ADAMTS3: variants seen among roughly 807,000 people sequenced by gnomAD.
ADAMTS3 encodes the protein A disintegrin and metalloproteinase with thrombospondin motifs 3.
In ADAMTS3, 73 loss-of-function variants were observed where a neutral mutation model predicts 129.0. The observed-to-expected ratio is 0.57, with a 90% CI of 0.47 to 0.69. The LOEUF (loss-of-function observed/expected upper bound fraction) is 0.69, where lower values mean the gene tolerates loss of function less well. Among genes scored for constraint, ADAMTS3 ranks in the 30% least tolerant of loss-of-function variants. ADAMTS3 has a pLI of 0.00. For synonymous variants in ADAMTS3, 477 were observed against 510.8 expected (o/e 0.93, Z 0.89); for missense variants, 1,457 against 1,514.5 (o/e 0.96, Z 0.63).
At chr4:72,490,125 C>T (rs1719701382) in intron 3 of ADAMTS3, among the ~76,000 whole-genome samples, 1 of 151,794 alleles carries the variant, frequency 6.6e-6, no homozygotes, top group African/African-American at 2.4e-5. Context: ...ATGTGGAGCA[C>T]TTTTTCATAT....
intron 15 of ADAMTS3, among the ~76,000 whole-genome samples, chr4:72,308,179 T>C (rs978008673): frequency 6.6e-6 from 1 of 152,048 alleles, no homozygotes; most frequent in Admixed American, 6.6e-5. Flanking sequence ...AATACACGTA[T>C]ATAATTATAT....
chr4:72,324,213 A>G lies in ADAMTS3; in HGVS notation c.862-1116T>C, dbSNP rs1719638685. The stretch of plus-strand genomic sequence containing the variant: ...TAATCTCATAGCGAGTGGCTTTAAA[A>G]ATAAATATAACTCAAGAATGATTGA... On this transcript the variant is annotated intron_variant, in intron 5 of 21. Transcript: ENST00000286657. Among the ~76,000 whole-genome samples, 2 of 152,228 alleles carry G rather than the reference A, an allele frequency of 1.3e-5. 1 individual carries two copies. Among genetic ancestry groups the G allele is most frequent in the African/African-American group, 4.8e-5 (2 of 41,470 alleles).
intron 4 of ADAMTS3, among the ~76,000 whole-genome samples, chr4:72,400,996 A>G (rs550884302): frequency 8.9e-4 from 134 of 150,392 alleles, no homozygotes; most frequent in African/African-American, 3.1e-3. Flanking sequence ...TCCTAGACCC[A>G]CACTGTCCAA....
chr4:72,487,599 A>G (rs762999448), intron 3 of ADAMTS3, among the ~76,000 whole-genome samples: 3 of 152,134 alleles, frequency 2.0e-5, no homozygotes, highest in Non-Finnish European at 4.4e-5. Flanking sequence ...ATGCAGTCTT[A>G]TATCGGTTAG....
chr4:72,325,517 A>G (rs1719676466), intron 5 of ADAMTS3, among the ~76,000 whole-genome samples: 1 of 152,184 alleles, frequency 6.6e-6, no homozygotes, highest in Non-Finnish European at 1.5e-5. Context: ...TTCAAATTAG[A>G]AACATGGCTT....
intron 3 of ADAMTS3, among the ~76,000 whole-genome samples, chr4:72,520,993 C>G (rs955141831): frequency 6.6e-6 from 1 of 151,748 alleles, no homozygotes; most frequent in Non-Finnish European, 1.5e-5. Context: ...GGCTCCTCCC[C>G]ACTTTTTTTC....
intron 4 of ADAMTS3, among the ~76,000 whole-genome samples, chr4:72,359,581 A>G (rs184162754): frequency 1.3e-4 from 20 of 152,146 alleles, no homozygotes; most frequent in Non-Finnish European, 1.9e-4. Flanking sequence ...GTGAAAGAAC[A>G]CAGTTACATT....
intron 4 of ADAMTS3, among the ~76,000 whole-genome samples, chr4:72,362,801 C>A (rs1246480622): frequency 3.3e-5 from 5 of 151,984 alleles, no homozygotes; most frequent in African/African-American, 4.8e-5. Flanking sequence ...TCACACTGGG[C>A]CTAAAGTAGT....
At position 72,568,940 on chromosome 4, in the gene ADAMTS3, G is replaced by C. The variant is rs1464985372; in HGVS notation, c.-178C>G. On this transcript the variant is annotated 5_prime_UTR_variant, in exon 1 of 22. Transcript: ENST00000286657. Reference sequence around the variant, plus strand: ...AAATGAAATTTGAGCTCTGAGACTGGCCCCCTCTGCTCTGCAGTTTTTTCC... The same window carrying C: ...AAATGAAATTTGAGCTCTGAGACTGCCCCCCTCTGCTCTGCAGTTTTTTCC... 1 of 622,692 alleles carries C rather than the reference G, an allele frequency of 1.6e-6. No homozygotes were observed. The allele number at this position is 622,692 out of a possible 1,614,324, so 38.6% of individuals were successfully genotyped here.
intron 4 of ADAMTS3, among the ~76,000 whole-genome samples, chr4:72,363,886 G>A (rs1720793493): frequency 6.6e-6 from 1 of 152,070 alleles, no homozygotes; most frequent in African/African-American, 2.4e-5. Context: ...TTCAGTGAAA[G>A]TTTGCCAGAT....
At chr4:72,555,764 G>A (rs1027779107) in intron 2 of ADAMTS3, among the ~76,000 whole-genome samples, 2 of 151,658 alleles carry the variant, frequency 1.3e-5, no homozygotes, top group African/African-American at 4.9e-5. Context: ...CCTGGTGGGG[G>A]TGATTGAATC....
At chr4:72,349,926 C>T (rs895264012) in intron 4 of ADAMTS3, among the ~76,000 whole-genome samples, 7 of 151,938 alleles carry the variant, frequency 4.6e-5, no homozygotes, top group African/African-American at 1.2e-4. Context: ...TTTTGATTCA[C>T]GTTCTGATTG....
At chr4:72,397,362 C>T (rs1389819117) in intron 4 of ADAMTS3, among the ~76,000 whole-genome samples, 3 of 151,914 alleles carry the variant, frequency 2.0e-5, no homozygotes, top group Non-Finnish European at 4.4e-5. Context: ...GTCATGAGTT[C>T]GAGACCAGCC....
At chr4:72,283,730 T>A (rs754674229) in intron 21 of ADAMTS3, 26 bp from the exon 22 acceptor site, 2 of 1,510,474 alleles carry the variant, frequency 1.3e-6, no homozygotes, top group Non-Finnish European at 1.8e-6. Context: ...GAAAATAAAC[T>A]AACACTAGCA....
chr4:72,384,805 G>A (rs779940099), intron 4 of ADAMTS3, among the ~76,000 whole-genome samples: 47 of 151,968 alleles, frequency 3.1e-4, no homozygotes, highest in Non-Finnish European at 5.0e-4. Context: ...AAATATTTAC[G>A]TTTAAAGCAA....
At chr4:72,389,418 G>A (rs1721527358) in intron 4 of ADAMTS3, among the ~76,000 whole-genome samples, 1 of 151,780 alleles carries the variant, frequency 6.6e-6, no homozygotes, top group Non-Finnish European at 1.5e-5. Flanking sequence ...AAACAAACAT[G>A]GAAAAATATT....
chr4:72,435,737 A>C (rs1038757502), intron 3 of ADAMTS3, among the ~76,000 whole-genome samples: 1 of 152,010 alleles, frequency 6.6e-6, no homozygotes, highest in Admixed American at 6.6e-5. Context: ...AAACCTGATA[A>C]AAATAGGAAA....
intron 4 of ADAMTS3, among the ~76,000 whole-genome samples, chr4:72,391,090 G>C (rs1400213572): frequency 6.6e-6 from 1 of 152,114 alleles, no homozygotes; most frequent in Non-Finnish European, 1.5e-5. Flanking sequence ...ACTATGTTTA[G>C]TTACGGGTAA....
intron 3 of ADAMTS3, among the ~76,000 whole-genome samples, chr4:72,517,136 A>G (rs1720510220): frequency 2.6e-5 from 4 of 151,470 alleles, no homozygotes; most frequent in Admixed American, 6.6e-5. Context: ...GGTGGATTAC[A>G]TTTATTGATT....
Sources: allele counts gnomAD v4.1 joint callset (sites outside exome capture counted in the v4.1 genomes callset), GRCh38; gene constraint gnomAD v4.1.1; transcripts MANE v1.5; gene names NCBI Gene and HGNC (gene_info 2026-07-23, HGNC 2026-07-21).